ETV1: variants seen among roughly 807,000 people sequenced by gnomAD.
ETV1 encodes the protein ETS variant transcription factor 1, also known as ETS translocation variant 1.
In ETV1, 27 loss-of-function variants were observed where a neutral mutation model predicts 62.3. The ratio of observed to expected loss-of-function variants is 0.43; its 90% CI spans 0.32 to 0.60. The LOEUF is 0.60. ETV1 is among the 20% of genes least tolerant of loss of function. The probability of loss-of-function intolerance (pLI) is 0.06; values close to 1 mark genes in which losing one functional copy is unlikely to be tolerated. For synonymous variants in ETV1, 222 were observed against 199.6 expected (o/e 1.11, Z -0.94); for missense variants, 605 against 605.8 (o/e 1.00, Z 0.01).
At chr7:13,931,461 A>G in intron 9 of ETV1, 41 bp downstream of exon 9, 1 of 1,611,996 alleles carries the variant, frequency 6.2e-7, no homozygotes, top group African/African-American at 1.3e-5. Context: ...AGGGAGGTGA[A>G]AAAGTGCCTT....
At chr7:13,986,578 CTTCTT>C in intron 5 of ETV1, 55 bp downstream of exon 5, 1 of 1,604,302 alleles carries the variant, frequency 6.2e-7, no homozygotes, top group Non-Finnish European at 8.5e-7. Context: ...AAGTTCAGGA[CTTCTT>C]TTCTTTCTCC....
chr7:13,929,567 C>T (rs1191585174), intron 9 of ETV1, among the ~76,000 whole-genome samples: 1 of 152,130 alleles, frequency 6.6e-6, no homozygotes, highest in Admixed American at 6.5e-5. Context: ...AATATTGGGC[C>T]ACACTGTGAG....
chr7:13,908,621 C>CTAAA (rs1783227881), intron 11 of ETV1, among the ~76,000 whole-genome samples: 1 of 151,668 alleles, frequency 6.6e-6, no homozygotes, highest in Admixed American at 6.6e-5. Context: ...ATTTAGAAAT[C>CTAAA]TAAAGGAGGA....
chr7:13,974,575 G>GT (rs1304010997), intron 6 of ETV1, among the ~76,000 whole-genome samples: 3 of 152,228 alleles, frequency 2.0e-5, no homozygotes, highest in African/African-American at 7.2e-5. Context: ...AAGGCAGAAT[G>GT]TAGGTGTGTG....
At position 13,939,257 on chromosome 7, in the gene ETV1, G is replaced by A. The variant is rs905913886; in HGVS notation, c.236-11C>T. The A allele has an allele frequency of 6.3e-7, 1 of 1,596,214 alleles. No homozygotes were observed. ...GGCCATGAAAAGCCACTAGAAAAAA[G>A]AACAAAAATATCCACAAAAATTAAA... On this transcript the variant is annotated splice_polypyrimidine_tract_variant and intron_variant, in intron 6 of 13. Transcript: ENST00000430479.
At chr7:13,986,297 G>C in intron 5 of ETV1, 1 of 1,503,326 alleles carries the variant, frequency 6.7e-7, no homozygotes, top group Non-Finnish European at 8.8e-7. Context: ...TCTGGCTCTA[G>C]GAGGTCTCTG....
chr7:13,898,518 T>C (rs1398115637), intron 13 of ETV1, among the ~76,000 whole-genome samples: 1 of 152,212 alleles, frequency 6.6e-6, no homozygotes, highest in Non-Finnish European at 1.5e-5. Context: ...AGGCATTGTC[T>C]GTAAGGTAAA....
At chr7:13,932,590 T>C (rs941302034) in intron 8 of ETV1, among the ~76,000 whole-genome samples, 1 of 152,232 alleles carries the variant, frequency 6.6e-6, no homozygotes, top group African/African-American at 2.4e-5. Context: ...ATGAGTCCTA[T>C]GCCTCTTTGT....
chr7:13,984,151 G>C (rs1782287623), intron 5 of ETV1, among the ~76,000 whole-genome samples: 1 of 151,924 alleles, frequency 6.6e-6, no homozygotes, highest in South Asian at 2.1e-4. Context: ...TTTTAGACCT[G>C]TTTAACTTCC....
chr7:13,923,128 T>G (rs534785342), intron 9 of ETV1, among the ~76,000 whole-genome samples: 118 of 152,342 alleles, frequency 7.7e-4, no homozygotes, highest in African/African-American at 2.8e-3. Context: ...ATTGAGGCTC[T>G]GACATGTCAT....
chr7:13,931,485 G>A lies in ETV1; in HGVS notation c.802+17C>T, dbSNP rs533736803. ...AAAAAGTGCCTTGAATGTAATTTGC[G>A]CAGAGCGCAGGCCTACCTGAGTCAT... On this transcript the variant is annotated intron_variant, in intron 9 of 13. Coordinates refer to ENST00000430479, the MANE Select transcript of ETV1 (RefSeq NM_004956.5). 116 of 1,613,570 alleles carry A rather than the reference G, an allele frequency of 7.2e-5. No homozygotes were observed. The highest frequency in any genetic ancestry group is 3.3e-4 in the Middle Eastern group (2 of 6,000).
intron 13 of ETV1, among the ~76,000 whole-genome samples, chr7:13,896,773 A>AAAGG (rs1781875525): frequency 6.7e-6 from 1 of 150,230 alleles, no homozygotes; most frequent in Non-Finnish European, 1.5e-5. Flanking sequence ...AGAAAGAAAG[A>AAAGG]AAGAAAGAAA....
At chr7:13,925,770 G>A (rs1176617268) in intron 9 of ETV1, among the ~76,000 whole-genome samples, 2 of 151,678 alleles carry the variant, frequency 1.3e-5, no homozygotes, top group East Asian at 1.9e-4. Context: ...GGGTTTCACC[G>A]TGGTCTTGAT....
chr7:13,944,818 G>T (rs1262088072), intron 6 of ETV1, among the ~76,000 whole-genome samples: 2 of 152,058 alleles, frequency 1.3e-5, no homozygotes, highest in African/African-American at 4.8e-5. Flanking sequence ...GATCATTAAG[G>T]TGAGCACTAA....
In ETV1 at chr7:13,896,093, G is replaced by A. The variant is rs1328047829; in HGVS notation, c.1213-6C>T. The A allele has an allele frequency of 6.2e-7, 1 of 1,608,936 alleles. No homozygotes were observed. Among genetic ancestry groups the A allele is most frequent in the Non-Finnish European group, 8.5e-7 (1 of 1,176,676 alleles). Reference sequence around the variant, plus strand: ...ACATATCTCTCTCCAGCCACCTGATGATAACATGGAAGAGAAAAACCCATC... The same window carrying A: ...ACATATCTCTCTCCAGCCACCTGATAATAACATGGAAGAGAAAAACCCATC... On this transcript the variant is annotated splice_polypyrimidine_tract_variant and splice_region_variant and intron_variant, in intron 13 of 13. Coordinates refer to ENST00000430479, the MANE Select transcript of ETV1 (RefSeq NM_004956.5).
At chr7:13,923,799 G>A (rs1785115026) in intron 9 of ETV1, among the ~76,000 whole-genome samples, 1 of 152,118 alleles carries the variant, frequency 6.6e-6, no homozygotes, top group Admixed American at 6.5e-5. Context: ...CTGGGAGGCT[G>A]AGGCGGGCGG....
chr7:13,900,718 A>T lies in ETV1; in HGVS notation c.1212+20T>A. The T allele has an allele frequency of 6.7e-7, 1 of 1,487,106 alleles. No individual in the cohort carries two copies. Among genetic ancestry groups the T allele is most frequent in the Non-Finnish European group, 9.3e-7 (1 of 1,078,140 alleles). 92.1% of individuals were successfully genotyped at this position (1,487,106 alleles called of 1,614,324 possible). A position where few individuals can be genotyped will look rare whatever the true frequency, so the allele number is the denominator to read the frequency against. Reference sequence around the variant, plus strand: ...ATGTGCAACATTTCAATGAATTTTAATGCTGTATTAGCTGCTCACCTTTTG... The same window carrying T: ...ATGTGCAACATTTCAATGAATTTTATTGCTGTATTAGCTGCTCACCTTTTG... On this transcript the variant is annotated intron_variant, in intron 13 of 13. Transcript: ENST00000430479.
chr7:13,960,730 T>C (rs1790070797), intron 6 of ETV1, among the ~76,000 whole-genome samples: 1 of 152,118 alleles, frequency 6.6e-6, no homozygotes, highest in African/African-American at 2.4e-5. Flanking sequence ...AGTAATTCTT[T>C]TTGGAGAGAG....
At chr7:13,915,718 A>C (rs1237199156) in intron 9 of ETV1, among the ~76,000 whole-genome samples, 1 of 151,986 alleles carries the variant, frequency 6.6e-6, no homozygotes, top group African/African-American at 2.4e-5. Flanking sequence ...GAGAAAACTT[A>C]TTTCATAAAG....
Sources: gnomAD v4.1 joint callset for allele counts (sites outside exome capture counted in the v4.1 genomes callset) on GRCh38, gnomAD v4.1.1 for gene constraint, MANE v1.5 for transcripts, NCBI Gene and HGNC (gene_info 2026-07-23, HGNC 2026-07-21) for gene names.